The following COG5 variants were observed in gnomAD, a reference collection of about 807,000 sequenced individuals.
COG5 encodes the protein conserved oligomeric Golgi complex subunit 5.
In COG5, 86 loss-of-function variants were observed where a neutral mutation model predicts 110.4. That is an observed-to-expected ratio of 0.78 (90% CI 0.65 to 0.93). The LOEUF (loss-of-function observed/expected upper bound fraction) is 0.93, where lower values mean the gene tolerates loss of function less well. Among genes scored for constraint, COG5 ranks in the 40% least tolerant of loss-of-function variants. COG5 has a pLI of 0.00. For missense variants in COG5, 1,077 were observed against 987.0 expected (o/e 1.09, Z -1.22); for synonymous variants, 360 against 334.6 (o/e 1.08, Z -0.83).
At chr7:107,262,678 C>T (rs1243713609) in intron 14 of COG5, among the ~76,000 whole-genome samples, 1 of 151,920 alleles carries the variant, frequency 6.6e-6, no homozygotes. Flanking sequence ...GGAGATTGTT[C>T]CTCACCTTCT....
chr7:107,296,301 T>G (rs1209203945), intron 12 of COG5, among the ~76,000 whole-genome samples: 2 of 152,146 alleles, frequency 1.3e-5, no homozygotes, highest in African/African-American at 4.8e-5. Flanking sequence ...ACTGTTTGCT[T>G]TGTATATTTC....
In COG5 at chr7:107,492,168, AGTGTGTGTGT is replaced by A. The variant is rs61526384; in HGVS notation, c.538+35059_538+35068del. 3.7e-4 allele frequency among the ~76,000 whole-genome samples: 52 copies of A among 141,732 alleles called. No homozygotes were observed. In the East Asian group the frequency reaches 9.5e-3, roughly 26 times the overall value. The allele number at this position is 141,732 out of a possible 152,430, so 93.0% of individuals were successfully genotyped here. On this transcript the variant is annotated intron_variant, in intron 6 of 21. Coordinates refer to ENST00000297135, the MANE Select transcript of COG5 (RefSeq NM_006348.5). Reference sequence around the variant, plus strand: ...CAAAAAACCAAAAACAACAATGGGTAGTGTGTGTGTGTGTGTGTGTGTGTGTGTGTGTGTG... The same window carrying A: ...CAAAAAACCAAAAACAACAATGGGTAGTGTGTGTGTGTGTGTGTGTGTGTG...
chr7:107,503,835 T>A (rs376499464), intron 6 of COG5, among the ~76,000 whole-genome samples: 3 of 152,230 alleles, frequency 2.0e-5, no homozygotes, highest in Non-Finnish European at 4.4e-5. Flanking sequence ...TTTGTGTACA[T>A]TGACTTTGTA....
rs1205059567 is a variant in COG5, at chr7:107,476,183, TTAAAA to T, written c.538+51049_538+51053del. Among the ~76,000 whole-genome samples the T allele has an allele frequency of 9.7e-4, 84 of 86,484 alleles. 3 individuals are homozygous for T. Among genetic ancestry groups the T allele is most frequent in the African/African-American group, 3.6e-3 (62 of 17,224 alleles). The allele number at this position is 86,484 out of a possible 152,430, so 56.7% of individuals were successfully genotyped here. ...TCTGGATTAATATAGTGCAATGATT[TTAAAA>T]AAAAAAAAAAAAAAAAAAAGAACAG... On this transcript the variant is annotated intron_variant, in intron 6 of 21. Coordinates refer to ENST00000297135, the MANE Select transcript of COG5 (RefSeq NM_006348.5).
chr7:107,438,196 A>C (rs1275947081), intron 6 of COG5, among the ~76,000 whole-genome samples: 4 of 152,178 alleles, frequency 2.6e-5, no homozygotes, highest in Non-Finnish European at 5.9e-5. Flanking sequence ...GGCAATTAAG[A>C]AGCAGCAAAT....
At position 107,258,427 on chromosome 7, in the gene COG5, C is replaced by CTG. The variant is rs1554402249; in HGVS notation, c.1576-45_1576-44insCA. 17 of 332,150 alleles carry CTG rather than the reference C, an allele frequency of 5.1e-5. No individual in the cohort carries two copies. In the East Asian group the frequency reaches 1.5e-3, roughly 29 times the overall value. 20.6% of individuals were successfully genotyped at this position (332,150 alleles called of 1,614,324 possible). On this transcript the variant is annotated intron_variant, in intron 14 of 21. Coordinates refer to ENST00000297135, the MANE Select transcript of COG5 (RefSeq NM_006348.5). ...AAAAGAATGTGTCAGAATGATAATT[C>CTG]TCTCTCTCTCTCTCTCTCTCTCTCA...
At chr7:107,287,206 A>G (rs1393009802) in intron 12 of COG5, among the ~76,000 whole-genome samples, 1 of 152,204 alleles carries the variant, frequency 6.6e-6, no homozygotes, top group Non-Finnish European at 1.5e-5. Context: ...TAAATTGCAA[A>G]GTAGGACTTG....
intron 6 of COG5, among the ~76,000 whole-genome samples, chr7:107,481,931 A>G (rs564563273): frequency 6.6e-6 from 1 of 152,108 alleles, no homozygotes; most frequent in Non-Finnish European, 1.5e-5. Flanking sequence ...ATACATACTG[A>G]CTGGTAAGTA....
intron 21 of COG5, chr7:107,207,707 A>T: frequency 1.1e-6 from 1 of 938,180 alleles, no homozygotes; most frequent in Non-Finnish European, 1.3e-6. Flanking sequence ...TGCCTGATGC[A>T]GGCTGAACAC....
chr7:107,390,779 C>T (rs1043728526), intron 7 of COG5, among the ~76,000 whole-genome samples: 9 of 148,958 alleles, frequency 6.0e-5, no homozygotes, highest in African/African-American at 2.0e-4. Context: ...GAGCAACGAT[C>T]GCCACACCTG....
chr7:107,434,701 T>G (rs766038659), intron 6 of COG5, among the ~76,000 whole-genome samples: 4 of 152,222 alleles, frequency 2.6e-5, no homozygotes, highest in Non-Finnish European at 5.9e-5. Flanking sequence ...CTGGGCGCGG[T>G]GGCTCACGCC....
chr7:107,363,071 G>A (rs1009005405), intron 8 of COG5, among the ~76,000 whole-genome samples: 2 of 152,088 alleles, frequency 1.3e-5, no homozygotes, highest in Non-Finnish European at 2.9e-5. Flanking sequence ...GGTATATTTT[G>A]GAATGGAGCA....
Position 107,202,223 on chromosome 7 carries a change from T to C in COG5, c.*1293A>G, listed in dbSNP as rs1653097200. 2 of 151,092 alleles carry C rather than the reference T, an allele frequency of 1.3e-5. No homozygotes were observed. Among genetic ancestry groups the C allele is most frequent in the Admixed American group, 6.6e-5 (1 of 15,052 alleles). The allele number at this position is 151,092 out of a possible 1,614,324, so 9.4% of individuals were successfully genotyped here. ...TCTCCTCAGCCATGTATCTTAAATA[T>C]ATTTTGTCATCATAATCTTTATGGT... On this transcript the variant is annotated 3_prime_UTR_variant, in exon 22 of 22. Transcript: ENST00000297135.
intron 7 of COG5, among the ~76,000 whole-genome samples, chr7:107,402,596 T>C (rs1791516432): frequency 6.6e-6 from 1 of 152,156 alleles, no homozygotes; most frequent in Admixed American, 6.5e-5. Flanking sequence ...TGGAGTCTGT[T>C]GTAATCCTGA....
chr7:107,488,722 C>T (rs1797802917), intron 6 of COG5, among the ~76,000 whole-genome samples: 1 of 152,052 alleles, frequency 6.6e-6, no homozygotes, highest in African/African-American at 2.4e-5. Context: ...TAGTGCACGC[C>T]TGTAGTACCA....
chr7:107,286,289 T>A (rs10236272), intron 12 of COG5, among the ~76,000 whole-genome samples: 1 of 151,996 alleles, frequency 6.6e-6, no homozygotes, highest in African/African-American at 2.4e-5. Flanking sequence ...TCTATAAGGG[T>A]GGTATATTTT....
At chr7:107,397,314 T>C (rs976586671) in intron 7 of COG5, among the ~76,000 whole-genome samples, 10 of 152,122 alleles carry the variant, frequency 6.6e-5, no homozygotes, top group Non-Finnish European at 4.4e-5. Flanking sequence ...GTGACCATGA[T>C]GGGACAAGCA....
At chr7:107,334,586 C>T (rs1030853337) in intron 10 of COG5, among the ~76,000 whole-genome samples, 3 of 151,836 alleles carry the variant, frequency 2.0e-5, no homozygotes, top group African/African-American at 7.3e-5. Context: ...GGTCTGGCAA[C>T]AGACTTCTCA....
chr7:107,405,383 G>C (rs140423451), intron 7 of COG5, among the ~76,000 whole-genome samples: 162 of 152,262 alleles, frequency 1.1e-3, no homozygotes, highest in African/African-American at 3.7e-3. Flanking sequence ...GTTGCTCTCT[G>C]AGAAGAAAAG....
Sources: allele counts gnomAD v4.1 joint callset (sites outside exome capture counted in the v4.1 genomes callset), GRCh38; gene constraint gnomAD v4.1.1; transcripts MANE v1.5; gene names NCBI Gene and HGNC (gene_info 2026-07-23, HGNC 2026-07-21).